MAPK8: variants seen among roughly 807,000 people sequenced by gnomAD.
MAPK8 encodes the protein mitogen-activated protein kinase 8.
A neutral mutation model predicts 52.9 loss-of-function variants in MAPK8; 13 were observed. That is an observed-to-expected ratio of 0.25 (90% CI 0.16 to 0.39). MAPK8 has a LOEUF of 0.39. MAPK8 is among the 10% of genes least tolerant of loss of function. MAPK8 has a pLI of 1.00. For missense variants in MAPK8, 300 were observed against 519.2 expected, an observed-to-expected ratio of 0.58 and a Z score of 4.10; for synonymous variants, 191 against 169.8, an observed-to-expected ratio of 1.12 and a Z score of -0.97.
At chr10:48,412,066 G>A (rs1174817802) in intron 5 of MAPK8, among the ~76,000 whole-genome samples, 2 of 152,088 alleles carry the variant, frequency 1.3e-5, no homozygotes, top group Admixed American at 6.6e-5. Flanking sequence ...GGCTGGTCTC[G>A]AACCCCTGAC....
intron 10 of MAPK8, among the ~76,000 whole-genome samples, chr10:48,428,215 T>C (rs2043831649): frequency 6.6e-6 from 1 of 152,232 alleles, no homozygotes; most frequent in East Asian, 1.9e-4. Context: ...CATGCTTTGA[T>C]AGTCATGGAA....
At chr10:48,379,928 A>C (rs1412310421) in intron 1 of MAPK8, among the ~76,000 whole-genome samples, 1 of 145,826 alleles carries the variant, frequency 6.9e-6, no homozygotes, top group Admixed American at 7.0e-5. Context: ...TTGGAGGGAA[A>C]CAAAGCTCTT....
intron 1 of MAPK8, among the ~76,000 whole-genome samples, chr10:48,373,399 G>C (rs955676034): frequency 6.6e-6 from 1 of 151,674 alleles, no homozygotes; most frequent in Non-Finnish European, 1.5e-5. Context: ...TTAACCTTAA[G>C]GGTAAACAGA....
chr10:48,374,911 CA>C (rs1217967298), intron 1 of MAPK8, among the ~76,000 whole-genome samples: 2 of 152,116 alleles, frequency 1.3e-5, no homozygotes. Flanking sequence ...ATCCTGATAC[CA>C]AAACCTGGCA....
intron 1 of MAPK8, among the ~76,000 whole-genome samples, chr10:48,307,780 C>T (rs901594924): frequency 5.3e-5 from 8 of 152,184 alleles, no homozygotes; most frequent in African/African-American, 1.9e-4. Context: ...CAGCAAGTAC[C>T]TCCTTGGCAA....
chr10:48,330,584 A>G (rs946729344), intron 1 of MAPK8, among the ~76,000 whole-genome samples: 2 of 152,220 alleles, frequency 1.3e-5, no homozygotes, highest in African/African-American at 4.8e-5. Flanking sequence ...ACTCAGAGAC[A>G]TGAAGAACAG....
intron 1 of MAPK8, among the ~76,000 whole-genome samples, chr10:48,349,025 C>T (rs1203616116): frequency 4.0e-5 from 6 of 150,450 alleles, no homozygotes; most frequent in Non-Finnish European, 7.4e-5. Flanking sequence ...GATAAAAAGA[C>T]AAAGAAGGGC....
At chr10:48,408,827 T>G (rs1056476077) in intron 3 of MAPK8, among the ~76,000 whole-genome samples, 15 of 152,180 alleles carry the variant, frequency 9.9e-5, no homozygotes, top group Non-Finnish European at 1.9e-4. Flanking sequence ...AAGTTGCTGG[T>G]CAATTTGATT....
intron 1 of MAPK8, among the ~76,000 whole-genome samples, chr10:48,326,595 A>G (rs969569805): frequency 6.6e-5 from 10 of 152,204 alleles, no homozygotes; most frequent in African/African-American, 2.4e-4. Context: ...GAGCAAATAA[A>G]TATATTCATA....
intron 10 of MAPK8, among the ~76,000 whole-genome samples, chr10:48,429,659 T>C (rs2044014677): frequency 6.6e-6 from 1 of 152,218 alleles, no homozygotes; most frequent in African/African-American, 2.4e-5. Flanking sequence ...CCTTTTTGTT[T>C]CTTTGAAGAA....
chr10:48,317,537 G>A (rs1842623222), intron 1 of MAPK8, among the ~76,000 whole-genome samples: 1 of 152,230 alleles, frequency 6.6e-6, no homozygotes, highest in Non-Finnish European at 1.5e-5. Context: ...ACTCTTTTAA[G>A]ATTAGCTCTG....
chr10:48,430,930 C>T (rs2044179173), intron 10 of MAPK8: 1 of 472,228 alleles, frequency 2.1e-6, no homozygotes, highest in East Asian at 4.3e-5. Context: ...AAAGCTTCTA[C>T]CCCAGCACTA....
chr10:48,424,717 T>C, intron 7 of MAPK8: 1 of 495,460 alleles, frequency 2.0e-6, no homozygotes, highest in Admixed American at 3.5e-5. Flanking sequence ...TACCACCTAC[T>C]ATTTGACATA....
At chr10:48,429,750 AT>A (rs1425347872) in intron 10 of MAPK8, 3 of 152,244 alleles carry the variant, frequency 2.0e-5, no homozygotes, top group African/African-American at 7.2e-5. Context: ...AAACAAACTT[AT>A]CTCCAGTTGT....
intron 1 of MAPK8, among the ~76,000 whole-genome samples, chr10:48,339,493 C>A (rs1181875843): frequency 2.6e-5 from 4 of 151,940 alleles, no homozygotes; most frequent in African/African-American, 9.7e-5. Context: ...AGAAGAAAAC[C>A]TAGGAAAATA....
At chr10:48,412,462 T>C (rs2042811187) in intron 5 of MAPK8, among the ~76,000 whole-genome samples, 1 of 152,220 alleles carries the variant, frequency 6.6e-6, no homozygotes. Context: ...AAATTTTCAG[T>C]CATTATTTTC....
intron 1 of MAPK8, among the ~76,000 whole-genome samples, chr10:48,348,950 C>CAAAAAA (rs57696845): frequency 7.6e-6 from 1 of 132,390 alleles, no homozygotes. Context: ...AAATGGAAAG[C>CAAAAAA]AAAAAAAAAA....
intron 1 of MAPK8, among the ~76,000 whole-genome samples, chr10:48,313,513 G>A (rs1426144396): frequency 2.7e-5 from 4 of 150,378 alleles, no homozygotes; most frequent in African/African-American, 7.5e-5. Flanking sequence ...AATACAAGTA[G>A]GGTGAATAAA....
At chr10:48,394,702 G>A (rs2041804247) in intron 1 of MAPK8, among the ~76,000 whole-genome samples, 1 of 151,752 alleles carries the variant, frequency 6.6e-6, no homozygotes, top group South Asian at 2.1e-4. Context: ...CTTCTATTCG[G>A]CATTGTATGG....
Sources: allele counts gnomAD v4.1 joint callset (sites outside exome capture counted in the v4.1 genomes callset), GRCh38; gene constraint gnomAD v4.1.1; transcripts MANE v1.5; gene names NCBI Gene and HGNC (gene_info 2026-07-23, HGNC 2026-07-21).